Variants in SCLT1 observed in about 807,000 individuals in gnomAD.
The protein encoded by SCLT1 is sodium channel-associated protein 1.
A neutral mutation model predicts 112.8 loss-of-function variants in SCLT1; 78 were observed. That is an observed-to-expected ratio of 0.69 (90% CI 0.58 to 0.83). The LOEUF is 0.83. Among genes scored for constraint, SCLT1 ranks in the 40% least tolerant of loss-of-function variants. The pLI, the probability that SCLT1 is intolerant of heterozygous loss-of-function variation, is 0.00. For synonymous variants in SCLT1, 257 were observed against 254.7 expected (o/e 1.01, Z -0.09); for missense variants, 747 against 770.4 (o/e 0.97, Z 0.36).
At chr4:128,913,532 G>A (rs550149663) in intron 18 of SCLT1, among the ~76,000 whole-genome samples, 2 of 152,160 alleles carry the variant, frequency 1.3e-5, no homozygotes, top group Admixed American at 6.5e-5. Flanking sequence ...TCCCTTTTGT[G>A]GTCATGAATT....
downstream of SCLT1, among the ~76,000 whole-genome samples, chr4:128,882,781 C>G (rs1197307643): frequency 1.3e-5 from 2 of 152,118 alleles, no homozygotes; most frequent in African/African-American, 4.8e-5. Context: ...AGAAGGGGAT[C>G]TTACTGAGGC....
chr4:128,957,317 C>T (rs1441675296), intron 12 of SCLT1, among the ~76,000 whole-genome samples, 193 bp from the exon 13 acceptor site: 1 of 152,120 alleles, frequency 6.6e-6, no homozygotes, highest in Non-Finnish European at 1.5e-5. Context: ...ACTAAAGACA[C>T]TTTCTCTATG....
intron 11 of SCLT1, among the ~76,000 whole-genome samples, chr4:128,960,998 A>T (rs1484261246): frequency 4.8e-5 from 7 of 146,190 alleles, no homozygotes; most frequent in Admixed American, 2.1e-4. Context: ...TATGCTGCAA[A>T]TTTTTTTTTT....
chr4:128,876,032 G>GAAAC (rs1469163635), intron 4 of SCLT1, among the ~76,000 whole-genome samples: 1 of 152,070 alleles, frequency 6.6e-6, no homozygotes, highest in Non-Finnish European at 1.5e-5. Context: ...TTTCCTGCCT[G>GAAAC]AAACAATCTT....
At chr4:128,906,317 C>T (rs1475311483) in intron 18 of SCLT1, among the ~76,000 whole-genome samples, 1 of 152,132 alleles carries the variant, frequency 6.6e-6, no homozygotes, top group East Asian at 1.9e-4. Flanking sequence ...CCTGCCTCAG[C>T]CTCCCAAGTA....
At chr4:129,054,440 G>A (rs773389760) in intron 2 of SCLT1, among the ~76,000 whole-genome samples, 1 of 151,982 alleles carries the variant, frequency 6.6e-6, no homozygotes, top group Non-Finnish European at 1.5e-5. Flanking sequence ...TGGAGGCTTT[G>A]GTCCTTGCTT....
In SCLT1 at chr4:128,985,102, C is replaced by T. The variant is rs540981085; in HGVS notation, c.686+7065G>A. On this transcript the variant is annotated intron_variant, in intron 9 of 20. Transcript: ENST00000281142. ...CACAGGATGTAATTATCACATTTTA[C>T]TGTTCATTCCCTTAGTGACAAATAC... Among the ~76,000 whole-genome samples the T allele has an allele frequency of 1.5e-4, 23 of 152,156 alleles. No homozygotes were observed. The South Asian group carries it at 1.9e-3, about 12-fold the overall frequency.
chr4:128,994,929 C>A (rs550318298), intron 8 of SCLT1, among the ~76,000 whole-genome samples: 1 of 151,918 alleles, frequency 6.6e-6, no homozygotes, highest in African/African-American at 2.4e-5. Flanking sequence ...GAGATTATTC[C>A]CTTATTGGAT....
intron 18 of SCLT1, among the ~76,000 whole-genome samples, chr4:128,923,737 G>T (rs1294281304): frequency 2.0e-5 from 3 of 151,756 alleles, no homozygotes; most frequent in Non-Finnish European, 4.4e-5. Context: ...TGCACCTGGT[G>T]ATGTACATTT....
At chr4:128,951,962 T>C (rs181477358) in intron 14 of SCLT1, among the ~76,000 whole-genome samples, 3 of 152,224 alleles carry the variant, frequency 2.0e-5, no homozygotes, top group African/African-American at 7.2e-5. Flanking sequence ...AAATATACCA[T>C]TCAGTTGATA....
chr4:128,960,927 A>C (rs1433253002), intron 11 of SCLT1, among the ~76,000 whole-genome samples: 2 of 17,846 alleles, frequency 1.1e-4, no homozygotes, highest in Non-Finnish European at 1.8e-4. Flanking sequence ...ACTCCGTCTC[A>C]AAAAAAAAAA....
At position 128,936,729 on chromosome 4, in the gene SCLT1, C is replaced by G; in HGVS notation, c.1755G>C (p.Gln585His). The G allele has an allele frequency of 6.2e-7, 1 of 1,613,022 alleles. No homozygotes were observed. Residue 585 changes from glutamine to histidine, a missense_variant, in exon 18 of 21, where the codon CAG becomes CAC. Physicochemically the swap from Gln to His is conservative, Grantham distance 24. Coordinates refer to ENST00000281142, the MANE Select transcript of SCLT1 (RefSeq NM_144643.4). ...VELRHLLATQ[Q>H]KAANRWKEET... ...CTTCTTTCCACCTATTGGCTGCCTT[C>G]TGTTGAGTCGCTAGGAGATGCCTCA... is the stretch of plus-strand genomic sequence containing the variant.
chr4:129,093,161 G>C lies in SCLT1; in HGVS notation c.-58C>G. 6.5e-7 allele frequency: 1 copy of C among 1,547,150 alleles called. No individual in the cohort carries two copies. ...CCTTTACCTTCCTCTGAAAGACAGA[G>C]AGCTTGCTGTGCGGGAAAACAAAAC... On this transcript the variant is annotated 5_prime_UTR_variant, in exon 1 of 21. Coordinates refer to ENST00000281142, the MANE Select transcript of SCLT1 (RefSeq NM_144643.4).
chr4:129,020,532 T>C (rs979191582), intron 5 of SCLT1, among the ~76,000 whole-genome samples: 7 of 152,148 alleles, frequency 4.6e-5, no homozygotes, highest in African/African-American at 1.7e-4. Flanking sequence ...TTCTTCGGGA[T>C]TTGGACTAGA....
intron 3 of SCLT1, among the ~76,000 whole-genome samples, chr4:128,878,863 C>G (rs1375883062): frequency 3.3e-5 from 5 of 151,638 alleles, no homozygotes; most frequent in Non-Finnish European, 7.4e-5. Context: ...TTACCAAATC[C>G]CACTAGATAC....
chr4:128,903,793 T>G (rs1441924127), intron 18 of SCLT1, among the ~76,000 whole-genome samples: 3 of 152,180 alleles, frequency 2.0e-5, no homozygotes. Flanking sequence ...TCAGGATGTT[T>G]CATTGCAGGG....
intron 2 of SCLT1, among the ~76,000 whole-genome samples, chr4:129,059,349 C>G (rs942685870): frequency 2.0e-5 from 3 of 152,062 alleles, no homozygotes; most frequent in Non-Finnish European, 2.9e-5. Context: ...TTTTGTATAT[C>G]CTTTTGCTCC....
intron 5 of SCLT1, among the ~76,000 whole-genome samples, chr4:129,021,221 TG>T (rs1745443009): frequency 6.6e-6 from 1 of 152,188 alleles, no homozygotes; most frequent in Non-Finnish European, 1.5e-5. Context: ...CCACGGTTTC[TG>T]CAATCTGTAG....
chr4:128,903,032 T>G (rs2125937258), intron 18 of SCLT1, among the ~76,000 whole-genome samples: 1 of 151,678 alleles, frequency 6.6e-6, no homozygotes, highest in South Asian at 2.1e-4. Context: ...CCCTCTGGAA[T>G]ATAGCTCTTG....
Sources: allele counts gnomAD v4.1 joint callset (sites outside exome capture counted in the v4.1 genomes callset), GRCh38; gene constraint gnomAD v4.1.1; transcripts MANE v1.5; gene names NCBI Gene and HGNC (gene_info 2026-07-23, HGNC 2026-07-21).